Variants in PCDHGA12 observed in about 807,000 individuals in gnomAD.
PCDHGA12 encodes the protein protocadherin gamma-A12.
Under a neutral mutation model 61.1 loss-of-function variants are expected in PCDHGA12, and 43 were observed. That is an observed-to-expected ratio of 0.70 (90% confidence interval 0.55 to 0.91). The LOEUF is 0.91. Ranked by LOEUF, PCDHGA12 falls within the 40% of genes least tolerant of loss-of-function variation. PCDHGA12 has a pLI of 0.00. For synonymous variants in PCDHGA12, 520 were observed against 542.9 expected (o/e 0.96, Z 0.59); for missense variants, 1,236 against 1,227.7 (o/e 1.01, Z -0.10).
At position 141,432,688 on chromosome 5, in the gene PCDHGA12, A is replaced by G. The variant is rs143889434; in HGVS notation, c.1929A>G (p.Val643=). Residue 643 remains valine, a synonymous_variant, in exon 1 of 4, where the codon GTA becomes GTG. Coordinates refer to ENST00000252085, the MANE Select transcript of PCDHGA12 (RefSeq NM_003735.3). The surrounding 1 kb of genome is among the most constrained non-coding windows in gnomAD (Gnocchi z 6.0). ...GAGACGCGCTCAAGCAGAGCCTCGT[A>G]GTGGCCGTCCAGGACCACGGCCAGC... ...LDRDALKQSL[V]VAVQDHGQPP... 2,218 of 1,613,894 alleles carry G rather than the reference A, an allele frequency of 1.4e-3. 31 individuals are homozygous for G. The African/African-American group carries it at 0.023, about 17-fold the overall frequency.
At chr5:141,463,402 T>C (rs1214124103) in intron 1 of PCDHGA12, among the ~76,000 whole-genome samples, 1 of 149,978 alleles carries the variant, frequency 6.7e-6, no homozygotes, top group African/African-American at 2.5e-5. Context: ...GCAAAAAAAA[T>C]GGAGATCCTA....
At position 141,476,746 on chromosome 5, in the gene PCDHGA12, C is replaced by A; in HGVS notation, c.2425-18061C>A. 1 of 1,614,068 alleles carries A rather than the reference C, an allele frequency of 6.2e-7. No homozygotes were observed. On this transcript the variant is annotated intron_variant, in intron 1 of 3. Transcript: ENST00000252085. The surrounding 1 kb of genome is among the most constrained non-coding windows in gnomAD (Gnocchi z 7.6). ...TGGACCGAGAACGGGAGCCTAGTCT[C>A]CAGTTAGTGCTGACGGCGTTGGACG...
rs139867523 is a variant in PCDHGA12, at chr5:141,474,274, G to A, written c.2425-20533G>A. 1.2e-4 allele frequency among the ~76,000 whole-genome samples: 19 copies of A among 152,278 alleles called. No homozygotes were observed. In the East Asian group the frequency reaches 3.3e-3, roughly 26 times the overall value. On this transcript the variant is annotated intron_variant, in intron 1 of 3. Coordinates refer to ENST00000252085, the MANE Select transcript of PCDHGA12 (RefSeq NM_003735.3). ...AAGACTGATAAACCAGTGTATCTCT[G>A]AATAACCCACTAGATCAGTGCTTGT...
intron 1 of PCDHGA12, among the ~76,000 whole-genome samples, chr5:141,442,926 T>C (rs2098353621): frequency 6.6e-6 from 1 of 152,240 alleles, no homozygotes; most frequent in African/African-American, 2.4e-5. Flanking sequence ...TGTTTCATTT[T>C]CTATTTAAGA....
At chr5:141,495,065 T>C (rs1413025171) in intron 2 of PCDHGA12, among the ~76,000 whole-genome samples, 200 bp downstream of exon 2, 1 of 152,148 alleles carries the variant, frequency 6.6e-6, no homozygotes, top group Admixed American at 6.5e-5. Flanking sequence ...TTCAGGAAGC[T>C]CAATTCACAT....
Position 141,491,739 on chromosome 5 carries a change from C to T in PCDHGA12, c.2425-3068C>T. ...CGCCGCCCCGGGCGACCCCTGGGGG[C>T]GGCACTGGAGAAGCCGCCCGTCCTC... On this transcript the variant is annotated intron_variant, in intron 1 of 3. Transcript: ENST00000252085. This position sits in a 1 kb window ranked among gnomAD's most constrained non-coding sequence, Gnocchi z 6.9. The T allele has an allele frequency of 1.3e-6, 2 of 1,599,004 alleles. No individual in the cohort carries two copies. Among genetic ancestry groups the T allele is most frequent in the East Asian group, 2.3e-5 (1 of 44,194 alleles).
At position 141,493,726 on chromosome 5, in the gene PCDHGA12, G is replaced by C. The variant is rs1032021616; in HGVS notation, c.2425-1081G>C. ...CTGGAATGCTAGGTTTCTGGGTTCT[G>C]CTCATATCACTGCCACCTGTGAGCC... On this transcript the variant is annotated intron_variant, in intron 1 of 3. Coordinates refer to ENST00000252085, the MANE Select transcript of PCDHGA12 (RefSeq NM_003735.3). This position sits in a 1 kb window ranked among gnomAD's most constrained non-coding sequence, Gnocchi z 4.3. Among the ~76,000 whole-genome samples, 2 of 152,154 alleles carry C rather than the reference G, an allele frequency of 1.3e-5. No individual in the cohort carries two copies. Among genetic ancestry groups the C allele is most frequent in the African/African-American group, 4.8e-5 (2 of 41,438 alleles).
intron 1 of PCDHGA12, among the ~76,000 whole-genome samples, chr5:141,475,237 G>C (rs2099360785): frequency 6.6e-6 from 1 of 152,234 alleles, no homozygotes. Flanking sequence ...AAACGATAGA[G>C]AGAGTGTGCT....
chr5:141,447,864 T>A (rs2098553913), intron 1 of PCDHGA12, among the ~76,000 whole-genome samples: 1 of 152,098 alleles, frequency 6.6e-6, no homozygotes, highest in Non-Finnish European at 1.5e-5. Context: ...GGTGGGTGAA[T>A]CATCTGAGGT....
chr5:141,502,028 G>A (rs561260963), intron 2 of PCDHGA12, among the ~76,000 whole-genome samples: 62 of 152,150 alleles, frequency 4.1e-4, no homozygotes, highest in African/African-American at 1.5e-3. Flanking sequence ...TGCAACCCCC[G>A]CCGCTTGCCT....
At position 141,487,033 on chromosome 5, in the gene PCDHGA12, A is replaced by C. The variant is rs1465525110; in HGVS notation, c.2425-7774A>C. ...AGGCCCCAGATCCCAGCCTGTTTGC[A>C]GTCTCTCGATATGCTGGGGAGGTGC... On this transcript the variant is annotated intron_variant, in intron 1 of 3. Transcript: ENST00000252085. This position sits in a 1 kb window ranked among gnomAD's most constrained non-coding sequence, Gnocchi z 5.0. 3 of 1,614,160 alleles carry C rather than the reference A, an allele frequency of 1.9e-6. No individual in the cohort carries two copies. Among genetic ancestry groups the C allele is most frequent in the Non-Finnish European group, 2.5e-6 (3 of 1,180,032 alleles).
At chr5:141,502,134 C>T (rs566073996) in intron 2 of PCDHGA12, among the ~76,000 whole-genome samples, 10 of 152,288 alleles carry the variant, frequency 6.6e-5, no homozygotes, top group African/African-American at 2.2e-4. Flanking sequence ...AGAGCTCAGT[C>T]GGGCCGGAAG....
rs760878091 is a variant in PCDHGA12 at position 141,476,406 on chromosome 5, T to A, written c.2425-18401T>A. The A allele has an allele frequency of 6.2e-7, 1 of 1,614,054 alleles. No individual in the cohort carries two copies. The highest frequency in any genetic ancestry group is 8.5e-7 in the Non-Finnish European group (1 of 1,180,002). On this transcript the variant is annotated intron_variant, in intron 1 of 3. Transcript: ENST00000252085. The surrounding 1 kb of genome is among the most constrained non-coding windows in gnomAD (Gnocchi z 7.6). Reference sequence around the variant, plus strand: ...AACGACCGTCTGGATCGAGAGGAGCTGTGTGGGACACTGCCCTCTTGCACT... The same window carrying A: ...AACGACCGTCTGGATCGAGAGGAGCAGTGTGGGACACTGCCCTCTTGCACT...
At chr5:141,435,214 AC>A (rs1332585721) in intron 1 of PCDHGA12, among the ~76,000 whole-genome samples, 1 of 152,176 alleles carries the variant, frequency 6.6e-6, no homozygotes, top group African/African-American at 2.4e-5. Flanking sequence ...AAGTGAATTT[AC>A]TTTCTTTCAA....
At chr5:141,459,863 G>A (rs182099511) in intron 1 of PCDHGA12, among the ~76,000 whole-genome samples, 2 of 152,242 alleles carry the variant, frequency 1.3e-5, no homozygotes, top group East Asian at 1.9e-4. Context: ...TGAAGCATTC[G>A]TTCATCTTTA....
Position 141,491,458 on chromosome 5 carries a change from G to C in PCDHGA12, c.2425-3349G>C. 1 of 1,614,092 alleles carries C rather than the reference G, an allele frequency of 6.2e-7. No individual in the cohort carries two copies. The highest frequency in any genetic ancestry group is 8.5e-7 in the Non-Finnish European group (1 of 1,180,022). On this transcript the variant is annotated intron_variant, in intron 1 of 3. Coordinates refer to ENST00000252085, the MANE Select transcript of PCDHGA12 (RefSeq NM_003735.3). The surrounding 1 kb of genome is among the most constrained non-coding windows in gnomAD (Gnocchi z 6.9). Reference sequence around the variant, plus strand: ...CAGGCGCCAGGACTCACCCTCCCCGGACTTCTATAAGCAGTCCAGCCCCAA... The same window carrying C: ...CAGGCGCCAGGACTCACCCTCCCCGCACTTCTATAAGCAGTCCAGCCCCAA...
Position 141,431,829 on chromosome 5 carries a change from C to T in PCDHGA12, c.1070C>T (p.Pro357Leu), listed in dbSNP as rs758915768. The change falls in exon 1 of 4, where the codon CCC becomes CTC. Residue 357 changes from proline (P) to leucine (L), a missense_variant. Transcript: ENST00000252085. The surrounding 1 kb of genome is among the most constrained non-coding windows in gnomAD (Gnocchi z 4.8). ...CTCACCTCTCTCGCCAGCTCGGTTC[C>T]CGAAAACTCTCCCAGAGGGACATTA... ...VVLTSLASSV[P>L]ENSPRGTLIA... The T allele has an allele frequency of 1.9e-6, 3 of 1,613,928 alleles. No individual in the cohort carries two copies. The highest frequency in any genetic ancestry group is 2.2e-5 in the South Asian group (2 of 91,090).
intron 2 of PCDHGA12, among the ~76,000 whole-genome samples, chr5:141,501,109 C>T (rs909874167): frequency 2.0e-5 from 3 of 152,106 alleles, no homozygotes; most frequent in South Asian, 2.1e-4. Context: ...CCTCGTGATC[C>T]GCCTGCCTCA....
chr5:141,494,688 A>T (rs2099756168), intron 1 of PCDHGA12, 119 bp from the exon 2 acceptor site: 1 of 1,576,254 alleles, frequency 6.3e-7, no homozygotes, highest in Non-Finnish European at 8.6e-7. Context: ...GCCCCCTCTT[A>T]GTCCGTTTTC....
Sources: gnomAD v4.1 joint callset for allele counts (sites outside exome capture counted in the v4.1 genomes callset) on GRCh38, gnomAD v4.1.1 for gene constraint, Gnocchi (gnomAD v3.1) non-coding constraint, MANE v1.5 for transcripts, NCBI Gene and HGNC (gene_info 2026-07-23, HGNC 2026-07-21) for gene names.